KIF6: variants seen among roughly 807,000 people sequenced by gnomAD.
KIF6 encodes the protein kinesin family member 6.
In KIF6, 106 loss-of-function variants were observed where a neutral mutation model predicts 112.7. That is an observed-to-expected ratio of 0.94 (90% CI 0.80 to 1.11). KIF6 has a LOEUF of 1.11. Ranked by LOEUF, KIF6 falls within the 50% of genes least tolerant of loss-of-function variation. KIF6 has a pLI of 0.00. For synonymous variants in KIF6, 339 were observed against 339.9 expected (o/e 1.00, Z 0.03); for missense variants, 929 against 964.0 (o/e 0.96, Z 0.48).
At chr6:39,338,612 CTG>C (rs541927983) in intron 22 of KIF6, among the ~76,000 whole-genome samples, 5 of 152,200 alleles carry the variant, frequency 3.3e-5, no homozygotes, top group Admixed American at 1.3e-4. Context: ...ACGGAAATCT[CTG>C]GAGAATCTCT....
rs537454971 is a variant in KIF6, at chr6:39,616,945, T to C, written c.510-3627A>G. ...TTTCCCTCTGTCCCTCACAAATCAA[T>C]AGCTATTTCCTGAATCCTTAATCTA... On this transcript the variant is annotated intron_variant, in intron 5 of 22. Coordinates refer to ENST00000287152, the MANE Select transcript of KIF6 (RefSeq NM_145027.6). 2.6e-5 allele frequency among the ~76,000 whole-genome samples: 4 copies of C among 152,322 alleles called. No individual in the cohort carries two copies. The South Asian group carries it at 6.2e-4, about 24-fold the overall frequency.
intron 6 of KIF6, among the ~76,000 whole-genome samples, chr6:39,598,812 A>G (rs574089018): frequency 6.6e-6 from 1 of 152,172 alleles, no homozygotes; most frequent in Non-Finnish European, 1.5e-5. Flanking sequence ...AGATTGACAT[A>G]AATGGATTTC....
chr6:39,568,957 T>TCTCTCTCTCTGTCTCTCTCCA (rs1780487813), intron 10 of KIF6, among the ~76,000 whole-genome samples: 1 of 152,198 alleles, frequency 6.6e-6, no homozygotes, highest in Non-Finnish European at 1.5e-5. Flanking sequence ...TTTCTCTCTC[T>TCTCTCTCTCTGTCTCTCTCCA]CTCTCTCTCT....
chr6:39,501,226 G>A (rs891452402), intron 13 of KIF6, among the ~76,000 whole-genome samples: 1 of 152,110 alleles, frequency 6.6e-6, no homozygotes, highest in Non-Finnish European at 1.5e-5. Context: ...CAGACTCCCA[G>A]CAAACCACAG....
At chr6:39,367,895 C>T (rs1313985602) in intron 16 of KIF6, among the ~76,000 whole-genome samples, 1 of 152,164 alleles carries the variant, frequency 6.6e-6, no homozygotes, top group African/African-American at 2.4e-5. Context: ...TGTAAAAGCA[C>T]ACAGACAGCT....
chr6:39,578,032 A>G, intron 10 of KIF6, 24 bp downstream of exon 10: 1 of 1,479,626 alleles, frequency 6.8e-7, no homozygotes, highest in Non-Finnish European at 9.4e-7. Flanking sequence ...TTAAAGAAAA[A>G]GAAAAAAAAG....
At chr6:39,337,672 T>C (rs1583817790) in intron 22 of KIF6, among the ~76,000 whole-genome samples, 1 of 152,220 alleles carries the variant, frequency 6.6e-6, no homozygotes, top group Non-Finnish European at 1.5e-5. Context: ...TGCTTTTTCC[T>C]CCAGATATTA....
At chr6:39,517,414 T>C (rs568933271) in intron 13 of KIF6, among the ~76,000 whole-genome samples, 3 of 152,332 alleles carry the variant, frequency 2.0e-5, no homozygotes, top group South Asian at 2.1e-4. Context: ...GTTCAAACTG[T>C]TGACAGTGGA....
chr6:39,618,287 T>G (rs1478554143), intron 5 of KIF6, among the ~76,000 whole-genome samples: 1 of 152,146 alleles, frequency 6.6e-6, no homozygotes, highest in Non-Finnish European at 1.5e-5. Context: ...TCTTTGTAGT[T>G]TTATCTAACA....
At chr6:39,574,661 T>C (rs1012623855) in intron 10 of KIF6, among the ~76,000 whole-genome samples, 2 of 152,186 alleles carry the variant, frequency 1.3e-5, no homozygotes, top group Admixed American at 1.3e-4. Context: ...TGGTAGCTTT[T>C]CATTCTGAAG....
At chr6:39,337,252 TTCCC>T (rs140178943) in intron 22 of KIF6, among the ~76,000 whole-genome samples, 2 of 94,874 alleles carry the variant, frequency 2.1e-5, no homozygotes, top group Non-Finnish European at 2.0e-5. Context: ...TTTCTTTTCT[TTCCC>T]TCCCTCCCTC....
chr6:39,424,758 C>T (rs999951590), intron 14 of KIF6, among the ~76,000 whole-genome samples: 17 of 152,154 alleles, frequency 1.1e-4, no homozygotes, highest in African/African-American at 1.7e-4. Flanking sequence ...AGGAACCCCC[C>T]GTAGGGAATG....
intron 7 of KIF6, among the ~76,000 whole-genome samples, chr6:39,591,309 G>A (rs1781941699): frequency 6.6e-6 from 1 of 152,182 alleles, no homozygotes; most frequent in Admixed American, 6.5e-5. Context: ...TGGAATTATG[G>A]ATTAGAAAAT....
chr6:39,463,289 A>T (rs560999271), intron 13 of KIF6, among the ~76,000 whole-genome samples: 86 of 152,290 alleles, frequency 5.6e-4, no homozygotes, highest in African/African-American at 2.0e-3. Flanking sequence ...AACAGTTTAA[A>T]TACTATGTAA....
At chr6:39,587,284 A>T (rs1781689214) in intron 7 of KIF6, among the ~76,000 whole-genome samples, 1 of 152,140 alleles carries the variant, frequency 6.6e-6, no homozygotes, top group Non-Finnish European at 1.5e-5. Flanking sequence ...GGGCATCACA[A>T]AGCCCTAGCT....
chr6:39,612,227 A>G (rs1783254594), intron 6 of KIF6, among the ~76,000 whole-genome samples: 1 of 152,206 alleles, frequency 6.6e-6, no homozygotes, highest in South Asian at 2.1e-4. Flanking sequence ...CCCTTGACGG[A>G]GATTTTTCTC....
intron 13 of KIF6, among the ~76,000 whole-genome samples, chr6:39,436,652 G>A (rs932765835): frequency 6.6e-6 from 1 of 152,120 alleles, no homozygotes; most frequent in African/African-American, 2.4e-5. Context: ...GTTTTTGTCT[G>A]CATTGTCAAA....
chr6:39,418,473 GTGA>G (rs1260387754), intron 15 of KIF6, among the ~76,000 whole-genome samples: 1 of 152,118 alleles, frequency 6.6e-6, no homozygotes, highest in Non-Finnish European at 1.5e-5. Flanking sequence ...AGATCTAATG[GTGA>G]GTCTAATAAC....
intron 13 of KIF6, among the ~76,000 whole-genome samples, chr6:39,441,527 A>G (rs1771922564): frequency 6.6e-6 from 1 of 152,150 alleles, no homozygotes; most frequent in South Asian, 2.1e-4. Flanking sequence ...TCACCACAGT[A>G]AGCAGAGCCA....
Sources: allele counts gnomAD v4.1 joint callset (sites outside exome capture counted in the v4.1 genomes callset), GRCh38; gene constraint gnomAD v4.1.1; transcripts MANE v1.5; gene names NCBI Gene and HGNC (gene_info 2026-07-23, HGNC 2026-07-21).